LRMDA: variants seen among roughly 807,000 people sequenced by gnomAD.
The protein encoded by LRMDA is leucine rich melanocyte differentiation associated, also known as leucine-rich melanocyte differentiation-associated protein.
LRMDA carries 18 observed loss-of-function variants against 29.8 expected under a neutral mutation model. That is an observed-to-expected ratio of 0.60 (90% CI 0.42 to 0.90). LRMDA has a LOEUF of 0.90. Ranked by LOEUF, LRMDA falls within the 40% of genes least tolerant of loss-of-function variation. LRMDA has a pLI of 0.00. For missense variants in LRMDA, 273 were observed against 273.9 expected, an observed-to-expected ratio of 1.00 and a Z score of 0.02; for synonymous variants, 125 against 109.4, an observed-to-expected ratio of 1.14 and a Z score of -0.89.
At chr10:76,520,943 C>T (rs1843111837) in intron 6 of LRMDA, among the ~76,000 whole-genome samples, 1 of 152,016 alleles carries the variant, frequency 6.6e-6, no homozygotes, top group South Asian at 2.1e-4. Context: ...AAAATAAACT[C>T]ATAGAACATT....
In LRMDA at chr10:75,456,000, A is replaced by G. The variant is rs182773680; in HGVS notation, c.131+17506A>G. Among the ~76,000 whole-genome samples the G allele has an allele frequency of 9.7e-4, 148 of 152,320 alleles. 1 individual carries two copies. Among genetic ancestry groups the G allele is most frequent in the African/African-American group, 3.4e-3 (140 of 41,576 alleles). On this transcript the variant is annotated intron_variant, in intron 2 of 6. Coordinates refer to ENST00000611255, the MANE Select transcript of LRMDA (RefSeq NM_001305581.2). ...GAGAACAGGGTAAGTTTCTTCCCAC[A>G]CCCAAAGACATAAACCCTTTTGCTG...
intron 6 of LRMDA, among the ~76,000 whole-genome samples, chr10:76,533,140 C>T (rs1486674451): frequency 2.3e-5 from 3 of 130,046 alleles, no homozygotes; most frequent in East Asian, 4.6e-4. Context: ...AGATGGAGAG[C>T]GAGAGCGAGA....
At chr10:75,603,252 T>C (rs1423092868) in intron 2 of LRMDA, among the ~76,000 whole-genome samples, 2 of 151,938 alleles carry the variant, frequency 1.3e-5, no homozygotes, top group Non-Finnish European at 2.9e-5. Flanking sequence ...GAAAATCTCA[T>C]CTTTGGAGCT....
chr10:76,228,545 C>T lies in LRMDA; in HGVS notation c.517-95856C>T, dbSNP rs529195729. On this transcript the variant is annotated intron_variant, in intron 5 of 6. Coordinates refer to ENST00000611255, the MANE Select transcript of LRMDA (RefSeq NM_001305581.2). ...AGGTGATCAGGTAACAGACACTTGC[C>T]GCTGATTGGTTGGGGCAAAGATGAA... Among the ~76,000 whole-genome samples the T allele has an allele frequency of 4.6e-5, 7 of 152,114 alleles. No individual in the cohort carries two copies. In the East Asian group the frequency reaches 5.8e-4, roughly 13 times the overall value.
At chr10:75,592,575 G>A (rs1427129929) in intron 2 of LRMDA, among the ~76,000 whole-genome samples, 1 of 152,178 alleles carries the variant, frequency 6.6e-6, no homozygotes, top group Admixed American at 6.5e-5. Flanking sequence ...TCGGTAATGG[G>A]TATGAACAGA....
chr10:76,187,587 G>T (rs1441204515), intron 5 of LRMDA, among the ~76,000 whole-genome samples: 2 of 152,182 alleles, frequency 1.3e-5, no homozygotes, highest in African/African-American at 4.8e-5. Context: ...TCATGGAGTT[G>T]TTAAGAAGAT....
chr10:75,432,950 G>C (rs557371964), intron 1 of LRMDA, among the ~76,000 whole-genome samples: 1 of 152,270 alleles, frequency 6.6e-6, no homozygotes, highest in Non-Finnish European at 1.5e-5. Flanking sequence ...CAGTTTTGTT[G>C]CTCAGGAATG....
chr10:76,463,367 T>A (rs1283051149), intron 6 of LRMDA, among the ~76,000 whole-genome samples: 3 of 152,192 alleles, frequency 2.0e-5, no homozygotes, highest in Non-Finnish European at 2.9e-5. Flanking sequence ...AAGCTATCAT[T>A]CTAAACAGAC....
intron 5 of LRMDA, among the ~76,000 whole-genome samples, chr10:76,128,065 T>G (rs1349568217): frequency 6.6e-6 from 1 of 152,196 alleles, no homozygotes; most frequent in African/African-American, 2.4e-5. Context: ...TCTGGTAGTT[T>G]TGTTTAGAGG....
At chr10:76,058,506 G>A (rs1444791001) in intron 4 of LRMDA, among the ~76,000 whole-genome samples, 160 bp from the exon 5 acceptor site, 1 of 152,192 alleles carries the variant, frequency 6.6e-6, no homozygotes, top group Non-Finnish European at 1.5e-5. Context: ...CTTCTCCAAG[G>A]AACAGTTGTT....
In LRMDA at chr10:76,536,376, A is replaced by G. The variant is rs564997250; in HGVS notation, c.602-20833A>G. On this transcript the variant is annotated intron_variant, in intron 6 of 6. Coordinates refer to ENST00000611255, the MANE Select transcript of LRMDA (RefSeq NM_001305581.2). Reference sequence around the variant, plus strand: ...GGTTAAGGCTTTTAAGTCTTTTCCAATCTAGGGTGATGGTTCTCAAGGGTG... The same window carrying G: ...GGTTAAGGCTTTTAAGTCTTTTCCAGTCTAGGGTGATGGTTCTCAAGGGTG... Among the ~76,000 whole-genome samples the G allele has an allele frequency of 6.6e-5, 10 of 152,046 alleles. No homozygotes were observed. In the East Asian group the frequency reaches 1.6e-3, roughly 24 times the overall value.
intron 5 of LRMDA, among the ~76,000 whole-genome samples, chr10:76,152,910 G>A (rs1023724649): frequency 1.3e-5 from 2 of 151,316 alleles, no homozygotes; most frequent in Admixed American, 6.6e-5. Context: ...GCGTGATCTC[G>A]GCTCACTGCA....
At chr10:75,823,381 G>A (rs1844194538) in intron 2 of LRMDA, among the ~76,000 whole-genome samples, 1 of 152,036 alleles carries the variant, frequency 6.6e-6, no homozygotes, top group African/African-American at 2.4e-5. Flanking sequence ...AATCATCAGA[G>A]AAATGCAAAT....
intron 6 of LRMDA, among the ~76,000 whole-genome samples, chr10:76,438,952 C>T (rs1842272953): frequency 6.6e-6 from 1 of 151,888 alleles, no homozygotes; most frequent in South Asian, 2.1e-4. Flanking sequence ...TGCATACCTG[C>T]CATATGTACA....
intron 2 of LRMDA, among the ~76,000 whole-genome samples, chr10:75,849,115 G>T (rs1198463450): frequency 3.3e-5 from 5 of 152,166 alleles, no homozygotes; most frequent in Non-Finnish European, 7.3e-5. Context: ...GCCTACCAGG[G>T]CTTAGTTTTA....
At chr10:75,797,565 A>G (rs1026682957) in intron 2 of LRMDA, among the ~76,000 whole-genome samples, 8 of 152,054 alleles carry the variant, frequency 5.3e-5, no homozygotes, top group Non-Finnish European at 1.2e-4. Context: ...CCTACCCCCA[A>G]CTCTAGATAA....
chr10:75,772,219 C>A (rs1843250067), intron 2 of LRMDA, among the ~76,000 whole-genome samples: 1 of 152,134 alleles, frequency 6.6e-6, no homozygotes, highest in Non-Finnish European at 1.5e-5. Context: ...TTTTATTGTG[C>A]AATCATTAAA....
chr10:76,269,713 G>A (rs773207418), intron 5 of LRMDA, among the ~76,000 whole-genome samples: 5 of 152,246 alleles, frequency 3.3e-5, no homozygotes, highest in Admixed American at 6.5e-5. Context: ...CTACTTAAGC[G>A]TTTACTACTC....
chr10:76,399,857 C>A (rs1841829720), intron 6 of LRMDA, among the ~76,000 whole-genome samples: 1 of 151,546 alleles, frequency 6.6e-6, no homozygotes. Flanking sequence ...TGAGTCTAAT[C>A]ATTTCCTTCA....
Sources: gnomAD v4.1 joint callset for allele counts (sites outside exome capture counted in the v4.1 genomes callset) on GRCh38, gnomAD v4.1.1 for gene constraint, MANE v1.5 for transcripts, NCBI Gene and HGNC (gene_info 2026-07-23, HGNC 2026-07-21) for gene names.